TMEM132C: variants seen among roughly 807,000 people sequenced by gnomAD.
The protein encoded by TMEM132C is transmembrane protein 132C.
In TMEM132C, 29 loss-of-function variants were observed where a neutral mutation model predicts 61.4. The observed-to-expected ratio is 0.47, with a 90% CI of 0.35 to 0.64. TMEM132C has a LOEUF of 0.64. Among genes scored for constraint, TMEM132C ranks in the 30% least tolerant of loss-of-function variants. TMEM132C has a pLI of 0.00. For synonymous variants in TMEM132C, 656 were observed against 633.1 expected, an observed-to-expected ratio of 1.04 and a Z score of -0.54; for missense variants, 1,408 against 1,476.9, an observed-to-expected ratio of 0.95 and a Z score of 0.76.
At chr12:128,355,249 G>A (rs1421605188) in intron 1 of TMEM132C, among the ~76,000 whole-genome samples, 1 of 152,150 alleles carries the variant, frequency 6.6e-6, no homozygotes, top group Non-Finnish European at 1.5e-5. Flanking sequence ...TAGGTGAAGG[G>A]TCCCAGACCA....
chr12:128,617,911 G>A (rs577811714), intron 4 of TMEM132C, among the ~76,000 whole-genome samples: 13 of 152,136 alleles, frequency 8.5e-5, no homozygotes, highest in Admixed American at 3.3e-4. Context: ...CTAGAACAGG[G>A]GTCAACAAAC....
intron 2 of TMEM132C, among the ~76,000 whole-genome samples, chr12:128,442,384 C>T (rs769227009): frequency 1.1e-4 from 17 of 152,202 alleles, no homozygotes; most frequent in African/African-American, 7.2e-5. Context: ...CCATGGCCCT[C>T]GCCCTGACTA....
At chr12:128,590,673 G>A (rs1376942051) in intron 3 of TMEM132C, among the ~76,000 whole-genome samples, 4 of 152,202 alleles carry the variant, frequency 2.6e-5, no homozygotes, top group Non-Finnish European at 1.5e-5. Flanking sequence ...CACATAAGGA[G>A]ACGCAGGAGG....
chr12:128,364,671 A>G (rs1352928441), intron 1 of TMEM132C, among the ~76,000 whole-genome samples: 1 of 152,146 alleles, frequency 6.6e-6, no homozygotes, highest in Admixed American at 6.5e-5. Context: ...TTGTGGAAGG[A>G]GGTCACCTTC....
At chr12:128,344,097 C>G (rs1371724211) in intron 1 of TMEM132C, among the ~76,000 whole-genome samples, 3 of 152,132 alleles carry the variant, frequency 2.0e-5, no homozygotes, top group Admixed American at 6.6e-5. Context: ...ACGAATAATG[C>G]TGCTGTGAAC....
rs111516065 is a variant in TMEM132C at position 128,458,463 on chromosome 12, G to T, written c.974+42843G>T. Among the ~76,000 whole-genome samples, 102 of 151,986 alleles carry T rather than the reference G, an allele frequency of 6.7e-4. 2 individuals are homozygous for T. Among genetic ancestry groups the T allele is most frequent in the African/African-American group, 2.3e-3 (96 of 41,424 alleles). On this transcript the variant is annotated intron_variant, in intron 2 of 8. Coordinates refer to ENST00000435159, the MANE Select transcript of TMEM132C (RefSeq NM_001136103.3). ...ACCATCCAGCTGTGAGCAGTTTAGG[G>T]TTGTGTAATCACTTCGTGGTGCTGG...
chr12:128,546,121 A>C (rs1403992461), intron 3 of TMEM132C, among the ~76,000 whole-genome samples: 1 of 152,202 alleles, frequency 6.6e-6, no homozygotes, highest in African/African-American at 2.4e-5. Context: ...GCCAACCGTC[A>C]CCATCATTAC....
At chr12:128,640,436 G>C (rs531032898) in intron 4 of TMEM132C, among the ~76,000 whole-genome samples, 110 of 152,246 alleles carry the variant, frequency 7.2e-4, no homozygotes, top group African/African-American at 2.2e-3. Context: ...TAAATCCACA[G>C]AGACAAAAAG....
At chr12:128,675,045 CTTGGGT>C (rs1261229945) in intron 5 of TMEM132C, among the ~76,000 whole-genome samples, 15 of 152,266 alleles carry the variant, frequency 9.9e-5, no homozygotes, top group African/African-American at 3.1e-4. Context: ...AGCAGGAGGA[CTTGGGT>C]TTTATGATTT....
intron 1 of TMEM132C, among the ~76,000 whole-genome samples, chr12:128,313,851 G>C (rs1240025450): frequency 1.3e-5 from 2 of 152,178 alleles, no homozygotes; most frequent in African/African-American, 4.8e-5. Flanking sequence ...TTATAACTAG[G>C]AGGACAAAAG....
chr12:128,530,711 G>A lies in TMEM132C; in HGVS notation c.975-13246G>A, dbSNP rs146727595. On this transcript the variant is annotated intron_variant, in intron 2 of 8. Coordinates refer to ENST00000435159, the MANE Select transcript of TMEM132C (RefSeq NM_001136103.3). ...ACCCGCCTTGGCCTCCCAAAGTGCT[G>A]GGATTATAGGCATGAGCCACCATGC... 2.1e-3 allele frequency among the ~76,000 whole-genome samples: 320 copies of A among 152,292 alleles called. 1 individual carries two copies. Among genetic ancestry groups the A allele is most frequent in the African/African-American group, 7.4e-3 (306 of 41,556 alleles).
At chr12:128,694,263 A>G (rs59256040) in intron 6 of TMEM132C, among the ~76,000 whole-genome samples, 12,480 of 152,164 alleles carry the variant, frequency 0.082, 1,618 homozygotes, top group African/African-American at 0.28. Flanking sequence ...TGTCTCTTGA[A>G]AGTGGCTCTC....
intron 4 of TMEM132C, among the ~76,000 whole-genome samples, chr12:128,632,586 A>G (rs1954072628): frequency 6.6e-6 from 1 of 152,138 alleles, no homozygotes; most frequent in Non-Finnish European, 1.5e-5. Context: ...AACAGGAGTA[A>G]TTTTTTTCCG....
At chr12:128,382,934 G>T (rs1487517379) in intron 1 of TMEM132C, among the ~76,000 whole-genome samples, 1 of 151,936 alleles carries the variant, frequency 6.6e-6, no homozygotes, top group Non-Finnish European at 1.5e-5. Flanking sequence ...GTGTGAATCT[G>T]TGTATGTGGG....
intron 1 of TMEM132C, among the ~76,000 whole-genome samples, chr12:128,407,516 G>A (rs552103315): frequency 4.6e-5 from 7 of 152,158 alleles, no homozygotes; most frequent in Admixed American, 6.5e-5. Context: ...TGAGTCTCAG[G>A]ACTTCTGATC....
intron 1 of TMEM132C, among the ~76,000 whole-genome samples, chr12:128,305,398 C>G (rs1871734929): frequency 6.6e-6 from 1 of 152,122 alleles, no homozygotes; most frequent in Admixed American, 6.5e-5. Flanking sequence ...GGCAGTTACT[C>G]TGTTTCCCCC....
At chr12:128,594,983 C>T (rs994879002) in intron 3 of TMEM132C, among the ~76,000 whole-genome samples, 1 of 152,230 alleles carries the variant, frequency 6.6e-6, no homozygotes, top group African/African-American at 2.4e-5. Flanking sequence ...AGGGAACGAG[C>T]TTCGGTGGTG....
intron 2 of TMEM132C, among the ~76,000 whole-genome samples, chr12:128,428,861 G>T (rs1869286687): frequency 6.6e-6 from 1 of 152,138 alleles, no homozygotes; most frequent in South Asian, 2.1e-4. Context: ...ACCAGCTCAG[G>T]GTTATTGTGA....
At chr12:128,628,352 G>A (rs921629184) in intron 4 of TMEM132C, among the ~76,000 whole-genome samples, 6 of 152,152 alleles carry the variant, frequency 3.9e-5, no homozygotes, top group South Asian at 2.1e-4. Flanking sequence ...CCTCCCATGC[G>A]CTCTGCCCTG....
Sources: allele counts gnomAD v4.1 joint callset (sites outside exome capture counted in the v4.1 genomes callset), GRCh38; gene constraint gnomAD v4.1.1; transcripts MANE v1.5; gene names NCBI Gene and HGNC (gene_info 2026-07-23, HGNC 2026-07-21).